Variants in NCAM1 observed in about 807,000 individuals in gnomAD.
The protein encoded by NCAM1 is neural cell adhesion molecule 1, also known as antigen recognized by monoclonal antibody 5.1H11.
NCAM1 carries 14 observed loss-of-function variants against 109.8 expected under a neutral mutation model. The ratio of observed to expected loss-of-function variants is 0.13; its 90% CI spans 0.08 to 0.20. The LOEUF (loss-of-function observed/expected upper bound fraction) is 0.20, where lower values mean the gene tolerates loss of function less well. NCAM1 is among the 10% of genes least tolerant of loss of function. The pLI is 1.00. For synonymous variants in NCAM1, 418 were observed against 442.9 expected (o/e 0.94, Z 0.70); for missense variants, 774 against 1,109.9 (o/e 0.70, Z 4.30).
intron 7 of NCAM1, among the ~76,000 whole-genome samples, chr11:113,210,742 A>G (rs1275881092): frequency 2.7e-5 from 4 of 148,984 alleles, no homozygotes; most frequent in Non-Finnish European, 5.9e-5. Context: ...CTTCCCACCC[A>G]CACCTTGGAC....
chr11:113,028,332 G>GT (rs1223794649), intron 1 of NCAM1, among the ~76,000 whole-genome samples: 12 of 151,700 alleles, frequency 7.9e-5, no homozygotes, highest in Non-Finnish European at 1.5e-5. Context: ...TTATAAACAC[G>GT]TTTTTTGAAC....
chr11:113,027,763 C>A (rs554114864), intron 1 of NCAM1, among the ~76,000 whole-genome samples: 1 of 152,174 alleles, frequency 6.6e-6, no homozygotes, highest in Admixed American at 6.5e-5. Context: ...CATGAGCTAA[C>A]TTTTCTAAGA....
intron 1 of NCAM1, among the ~76,000 whole-genome samples, chr11:113,096,510 C>T (rs1454843247): frequency 6.6e-6 from 1 of 152,056 alleles, no homozygotes; most frequent in African/African-American, 2.4e-5. Context: ...ATGCCAACTG[C>T]AGCCCAGCTC....
chr11:113,192,155 C>T (rs868980415), intron 1 of NCAM1, among the ~76,000 whole-genome samples: 7 of 152,172 alleles, frequency 4.6e-5, no homozygotes, highest in Admixed American at 2.0e-4. Flanking sequence ...AAAAGAACAT[C>T]GACGAGTCAT....
chr11:113,267,785 GC>G (rs1251849570), intron 17 of NCAM1, among the ~76,000 whole-genome samples: 7 of 152,296 alleles, frequency 4.6e-5, no homozygotes, highest in Non-Finnish European at 1.0e-4. Context: ...TGCCAGTGCC[GC>G]CCTCCAGCTG....
intron 1 of NCAM1, among the ~76,000 whole-genome samples, chr11:113,167,215 A>C (rs1333032737): frequency 1.3e-5 from 2 of 152,194 alleles, no homozygotes; most frequent in Non-Finnish European, 2.9e-5. Flanking sequence ...CTGGCCTTCA[A>C]TTTGCCTCAT....
chr11:113,270,508 C>T (rs1946243287), intron 18 of NCAM1, 113 bp downstream of exon 18: 2 of 991,078 alleles, frequency 2.0e-6, no homozygotes, highest in South Asian at 3.1e-5. Context: ...ATTGCACGTT[C>T]TCCATTTGGA....
At chr11:113,037,062 T>C (rs1181272510) in intron 1 of NCAM1, among the ~76,000 whole-genome samples, 1 of 152,170 alleles carries the variant, frequency 6.6e-6, no homozygotes, top group Non-Finnish European at 1.5e-5. Context: ...TAGATCCTCC[T>C]CCTCCAGTCT....
At chr11:113,109,923 G>A (rs1489033994) in intron 1 of NCAM1, among the ~76,000 whole-genome samples, 4 of 152,098 alleles carry the variant, frequency 2.6e-5, no homozygotes, top group Non-Finnish European at 4.4e-5. Context: ...TGTATGATCC[G>A]TGAACATTTT....
intron 1 of NCAM1, among the ~76,000 whole-genome samples, chr11:112,974,108 C>G (rs185105302): frequency 1.3e-5 from 2 of 152,082 alleles, no homozygotes; most frequent in East Asian, 3.9e-4. Flanking sequence ...ATCTGGAAGT[C>G]ACTTAATCTG....
chr11:113,117,417 G>T (rs1432276485), intron 1 of NCAM1, among the ~76,000 whole-genome samples: 3 of 151,886 alleles, frequency 2.0e-5, no homozygotes, highest in Non-Finnish European at 4.4e-5. Context: ...TCAGCCTGGG[G>T]TACACAGAAC....
At chr11:113,025,186 T>C (rs1952498762) in intron 1 of NCAM1, among the ~76,000 whole-genome samples, 1 of 152,222 alleles carries the variant, frequency 6.6e-6, no homozygotes, top group Admixed American at 6.5e-5. Flanking sequence ...TCATTTTTTT[T>C]CATCAGGATT....
chr11:113,242,824 C>T (rs1945372662), intron 14 of NCAM1: 7 of 1,613,952 alleles, frequency 4.3e-6, no homozygotes, highest in Non-Finnish European at 5.9e-6. Context: ...CTCTTCCTGC[C>T]CTTGCAACCA....
At chr11:113,073,638 C>T (rs1323529271) in intron 1 of NCAM1, among the ~76,000 whole-genome samples, 1 of 152,074 alleles carries the variant, frequency 6.6e-6, no homozygotes, top group African/African-American at 2.4e-5. Flanking sequence ...TTTTTAATAT[C>T]CTGAGGCCAT....
At chr11:113,016,070 A>G (rs1302500408) in intron 1 of NCAM1, among the ~76,000 whole-genome samples, 1 of 152,182 alleles carries the variant, frequency 6.6e-6, no homozygotes, top group Non-Finnish European at 1.5e-5. Flanking sequence ...AACAGCTTTA[A>G]TTGGAAGAAC....
intron 14 of NCAM1, among the ~76,000 whole-genome samples, chr11:113,240,191 G>A (rs1945281832): frequency 6.6e-6 from 1 of 152,174 alleles, no homozygotes. Flanking sequence ...AGTTTTGGAA[G>A]GCAGCAGTGG....
intron 1 of NCAM1, among the ~76,000 whole-genome samples, chr11:113,188,824 TGTGA>T (rs1488829789): frequency 6.6e-6 from 1 of 151,352 alleles, no homozygotes. Context: ...TGTGTGTGTG[TGTGA>T]GTGTGAGTGT....
Position 112,974,815 on chromosome 11 carries a change from GTGTGTGTGTGTGTGTGTATGTA to G in NCAM1, c.52+13165_52+13186del, listed in dbSNP as rs1334754590. On this transcript the variant is annotated intron_variant, in intron 1 of 19. Coordinates refer to ENST00000316851, the MANE Select transcript of NCAM1 (RefSeq NM_181351.5). ...CACCCTCCTGTAGCTTACAGTTTGT[GTGTGTGTGTGTGTGTGTATGTA>G]TGTGTGTGTGTGTTTGAATTAGTGG... 2.0e-5 allele frequency among the ~76,000 whole-genome samples: 3 copies of G among 151,580 alleles called. No homozygotes were observed. The East Asian group carries it at 5.9e-4, about 30-fold the overall frequency.
At chr11:113,066,514 T>C (rs1182826255) in intron 1 of NCAM1, among the ~76,000 whole-genome samples, 1 of 152,186 alleles carries the variant, frequency 6.6e-6, no homozygotes, top group East Asian at 1.9e-4. Flanking sequence ...TTCAGGCCTC[T>C]CAATTCCTGG....
Sources: gnomAD v4.1 joint callset for allele counts (sites outside exome capture counted in the v4.1 genomes callset) on GRCh38, gnomAD v4.1.1 for gene constraint, MANE v1.5 for transcripts, NCBI Gene and HGNC (gene_info 2026-07-23, HGNC 2026-07-21) for gene names.